AKAP19: variants seen among roughly 807,000 people sequenced by gnomAD.
AKAP19 encodes the protein A-kinase anchoring protein 19.
the AKAP19 span, among the ~76,000 whole-genome samples, chr2:189,938,971 T>C: frequency 6.6e-6 from 1 of 152,172 alleles, no homozygotes; most frequent in Non-Finnish European, 1.5e-5. Context: ...TCCTGACTCA[T>C]GGTTTCTACA....
the AKAP19 span, among the ~76,000 whole-genome samples, chr2:189,956,596 T>G: frequency 6.6e-5 from 10 of 152,198 alleles, no homozygotes; most frequent in Middle Eastern, 3.4e-3. Flanking sequence ...AATTTTTTTT[T>G]GAGATAGGGT....
the AKAP19 span, among the ~76,000 whole-genome samples, chr2:190,049,182 T>C: frequency 4.6e-5 from 7 of 152,104 alleles, no homozygotes; most frequent in Non-Finnish European, 1.0e-4. Flanking sequence ...GGCTATCTTC[T>C]TAAATACATA....
the AKAP19 span, among the ~76,000 whole-genome samples, chr2:190,101,307 A>G: frequency 7.9e-5 from 12 of 152,202 alleles, no homozygotes; most frequent in African/African-American, 2.7e-4. Context: ...GAGAGCTGCT[A>G]CAGTTATGGC....
the AKAP19 span, among the ~76,000 whole-genome samples, chr2:190,012,951 G>A: frequency 6.6e-6 from 1 of 152,044 alleles, no homozygotes; most frequent in East Asian, 1.9e-4. Flanking sequence ...CCTCCTACAG[G>A]TAAATCCTAC....
chr2:189,882,238 GTT>G, the AKAP19 span, among the ~76,000 whole-genome samples: 3 of 152,132 alleles, frequency 2.0e-5, no homozygotes, highest in African/African-American at 7.2e-5. Context: ...AACGTGATAA[GTT>G]TTATTTTTAA....
the AKAP19 span, among the ~76,000 whole-genome samples, chr2:189,937,967 G>A: frequency 6.6e-6 from 1 of 152,196 alleles, no homozygotes; most frequent in Admixed American, 6.5e-5. Context: ...TCCCATGTTT[G>A]TTGCAGCTCT....
the AKAP19 span, among the ~76,000 whole-genome samples, chr2:189,972,739 A>T: frequency 2.0e-5 from 3 of 152,110 alleles, no homozygotes; most frequent in South Asian, 6.3e-4. Flanking sequence ...ATTCTCTTTG[A>T]AGCAATTGTG....
the AKAP19 span, among the ~76,000 whole-genome samples, chr2:190,050,946 G>A: frequency 4.6e-5 from 7 of 152,286 alleles, no homozygotes; most frequent in African/African-American, 1.2e-4. Context: ...TGTGAGGTCC[G>A]TGGAGAGGAG....
At chr2:189,972,352 G>C in the AKAP19 span, among the ~76,000 whole-genome samples, 3 of 152,094 alleles carry the variant, frequency 2.0e-5, no homozygotes. Flanking sequence ...TCTCTGTTTT[G>C]GTACCAGTAC....
chr2:190,044,806 T>C, the AKAP19 span, among the ~76,000 whole-genome samples: 75 of 152,356 alleles, frequency 4.9e-4, no homozygotes, highest in Non-Finnish European at 8.2e-4. Flanking sequence ...ACAGCAAAGA[T>C]GGCAGCTTTG....
chr2:190,193,386 TTTGTC>T, the AKAP19 span, among the ~76,000 whole-genome samples: 1 of 152,120 alleles, frequency 6.6e-6, no homozygotes, highest in Non-Finnish European at 1.5e-5. Flanking sequence ...CCTGTGGAGT[TTTGTC>T]TTCTTGGTAA....
At chr2:190,161,397 T>C in the AKAP19 span, among the ~76,000 whole-genome samples, 5 of 152,150 alleles carry the variant, frequency 3.3e-5, no homozygotes, top group African/African-American at 1.2e-4. Flanking sequence ...TTAATAGGCA[T>C]CTAAAATCAT....
the AKAP19 span, chr2:189,924,153 T>A: frequency 5.6e-6 from 9 of 1,611,226 alleles, no homozygotes; most frequent in Non-Finnish European, 7.6e-6. Flanking sequence ...TCAAGGATGA[T>A]GAAAAAGAGG....
chr2:189,981,675 C>T, the AKAP19 span, among the ~76,000 whole-genome samples: 1 of 152,148 alleles, frequency 6.6e-6, no homozygotes, highest in Non-Finnish European at 1.5e-5. Flanking sequence ...CTATTTTTAG[C>T]ATTTCTTGTA....
At chr2:190,001,663 C>T in the AKAP19 span, among the ~76,000 whole-genome samples, 1 of 152,100 alleles carries the variant, frequency 6.6e-6, no homozygotes, top group Admixed American at 6.6e-5. Flanking sequence ...TTTTAAACAC[C>T]TTGATTCAGT....
chr2:190,133,428 T>C, the AKAP19 span, among the ~76,000 whole-genome samples: 1 of 151,966 alleles, frequency 6.6e-6, no homozygotes, highest in Non-Finnish European at 1.5e-5. Context: ...ATCAAAAAGA[T>C]GAATAAGTGT....
At chr2:189,947,860 A>T in the AKAP19 span, among the ~76,000 whole-genome samples, 1 of 152,124 alleles carries the variant, frequency 6.6e-6, no homozygotes, top group Non-Finnish European at 1.5e-5. Flanking sequence ...TATTATTCAA[A>T]AGCACATACT....
the AKAP19 span, among the ~76,000 whole-genome samples, chr2:190,157,202 C>CG: frequency 6.6e-6 from 1 of 151,984 alleles, no homozygotes; most frequent in Non-Finnish European, 1.5e-5. Flanking sequence ...AAAACGTACC[C>CG]AAGGCCTCAC....
the AKAP19 span, among the ~76,000 whole-genome samples, chr2:189,951,784 T>C: frequency 6.6e-6 from 1 of 152,220 alleles, no homozygotes; most frequent in East Asian, 1.9e-4. Flanking sequence ...CCCCAAAATA[T>C]GTCACTCTGG....
Sources: gnomAD v4.1 joint callset for allele counts (sites outside exome capture counted in the v4.1 genomes callset) on GRCh38, gnomAD v4.1.1 for gene constraint, MANE v1.5 for transcripts, NCBI Gene and HGNC (gene_info 2026-07-23, HGNC 2026-07-21) for gene names.